The following KLRB1 variants were observed in gnomAD, a reference collection of about 807,000 sequenced individuals.
KLRB1 encodes killer cell lectin like receptor B1.
Under a neutral mutation model 33.5 loss-of-function variants are expected in KLRB1, and 27 were observed. The observed-to-expected ratio is 0.81, with a 90% CI of 0.59 to 1.11. KLRB1 has a LOEUF of 1.11. Among genes scored for constraint, KLRB1 ranks in the 50% most tolerant of loss-of-function variants. The pLI is 0.00. For synonymous variants in KLRB1, 64 were observed against 88.9 expected (o/e 0.72, Z 1.58); for missense variants, 241 against 254.1 (o/e 0.95, Z 0.35).
chr12:9,601,052 TGGAGGTAGGACCTGCGG>T (rs886458278), intron 2 of KLRB1, among the ~76,000 whole-genome samples: 7 of 107,160 alleles, frequency 6.5e-5, no homozygotes, highest in African/African-American at 1.3e-4. Context: ...GCCTTAGGGC[TGGAGGTAGGACCTGCGG>T]GCAGCAATAC....
chr12:9,607,405 T>TTTCTTTCTTTCTTTCTTTCC (rs1565444748), intron 1 of KLRB1, among the ~76,000 whole-genome samples: 2 of 47,988 alleles, frequency 4.2e-5, no homozygotes, highest in Admixed American at 2.8e-4. Context: ...TCTTTCTTTC[T>TTTCTTTCTTTCTTTCTTTCC]TTTCTTTCTT....
In KLRB1 at chr12:9,607,323, TTC is replaced by T. The variant is rs771570792; in HGVS notation, c.85+430_85+431del. On this transcript the variant is annotated intron_variant, in intron 1 of 5. Coordinates refer to ENST00000229402, the MANE Select transcript of KLRB1 (RefSeq NM_002258.3). ...CTCCTTTCTTTCTTTCTTCTTTTCT[TTC>T]TCTTTCTTTCCTTTCTTTCTTTCTT... 5.4e-5 allele frequency among the ~76,000 whole-genome samples: 6 copies of T among 111,682 alleles called. 1 individual carries two copies. The highest frequency in any genetic ancestry group is 1.5e-4 in the African/African-American group (5 of 33,300). The allele number at this position is 111,682 out of a possible 152,430, so 73.3% of individuals were successfully genotyped here.
chr12:9,602,782 T>A (rs1173831225), intron 1 of KLRB1, among the ~76,000 whole-genome samples: 1 of 152,226 alleles, frequency 6.6e-6, no homozygotes, highest in East Asian at 1.9e-4. Flanking sequence ...ATGAGTTACA[T>A]GTTAAAAAAT....
chr12:9,602,038 G>C (rs1002914928), intron 1 of KLRB1, among the ~76,000 whole-genome samples: 1 of 152,182 alleles, frequency 6.6e-6, no homozygotes, highest in Non-Finnish European at 1.5e-5. Flanking sequence ...CAAGTACCAT[G>C]TTAGGTGCTG....
At chr12:9,597,569 G>T (rs1864503546) in intron 5 of KLRB1, among the ~76,000 whole-genome samples, 1 of 152,108 alleles carries the variant, frequency 6.6e-6, no homozygotes, top group African/African-American at 2.4e-5. Context: ...TTTCACACCA[G>T]TGGTTCAAAT....
At chr12:9,602,809 T>C (rs1489292386) in intron 1 of KLRB1, among the ~76,000 whole-genome samples, 1 of 152,178 alleles carries the variant, frequency 6.6e-6, no homozygotes, top group Non-Finnish European at 1.5e-5. Context: ...TCAGATATAC[T>C]ATAATATTAT....
In KLRB1 at chr12:9,607,339, T is replaced by TTC. The variant is rs1330109407; in HGVS notation, c.85+415_85+416insGA. Among the ~76,000 whole-genome samples, 548 of 61,112 alleles carry TTC rather than the reference T, an allele frequency of 9.0e-3. 9 individuals carry two copies. The highest frequency in any genetic ancestry group is 0.02 in the South Asian group (28 of 1,386). 40.1% of individuals were successfully genotyped at this position (61,112 alleles called of 152,430 possible). A position where few individuals can be genotyped will look rare whatever the true frequency, so the allele number is the denominator to read the frequency against. The stretch of plus-strand genomic sequence containing the variant: ...TTCTTTTCTTTCTCTTTCTTTCCTT[T>TTC]CTTTCTTTCTTTCTTCCTTTCTTTC... On this transcript the variant is annotated intron_variant, in intron 1 of 5. Coordinates refer to ENST00000229402, the MANE Select transcript of KLRB1 (RefSeq NM_002258.3).
At chr12:9,601,920 A>C (rs1480352635) in intron 1 of KLRB1, among the ~76,000 whole-genome samples, 2 of 152,246 alleles carry the variant, frequency 1.3e-5, no homozygotes, top group Non-Finnish European at 2.9e-5. Flanking sequence ...AGTGCTATAC[A>C]AAAATTAAGT....
intron 3 of KLRB1, 24 bp from the exon 4 acceptor site, chr12:9,598,677 A>G: frequency 6.3e-7 from 1 of 1,576,748 alleles, no homozygotes; most frequent in South Asian, 1.1e-5. Context: ...CAGAAATAAG[A>G]AATAAATGTT....
At chr12:9,598,796 A>G in intron 3 of KLRB1, 143 bp from the exon 4 acceptor site, 1 of 558,058 alleles carries the variant, frequency 1.8e-6, no homozygotes, top group Non-Finnish European at 3.0e-6. Context: ...TTTGTTATAA[A>G]GTTGAGATTT....
chr12:9,599,633 A>G, intron 3 of KLRB1, 134 bp downstream of exon 3: 1 of 701,218 alleles, frequency 1.4e-6, no homozygotes, highest in Non-Finnish European at 2.6e-6. Context: ...TTTATGTCTC[A>G]ATTTTCTAAT....
At chr12:9,607,513 G>C (rs982261117) in intron 1 of KLRB1, among the ~76,000 whole-genome samples, 2 of 151,258 alleles carry the variant, frequency 1.3e-5, no homozygotes, top group Non-Finnish European at 2.9e-5. Context: ...TTTAACCAAG[G>C]CTCAGTAAGA....
chr12:9,599,910 T>C (rs990541830), intron 2 of KLRB1, 69 bp from the exon 3 acceptor site: 17 of 889,464 alleles, frequency 1.9e-5, no homozygotes, highest in Non-Finnish European at 2.8e-5. Context: ...ATTATATTTG[T>C]TACTTTAGGA....
chr12:9,606,625 A>G (rs1428332147), intron 1 of KLRB1, among the ~76,000 whole-genome samples: 1 of 145,764 alleles, frequency 6.9e-6, no homozygotes, highest in African/African-American at 2.5e-5. Flanking sequence ...AGAGTGAAGT[A>G]TGTTACTCAT....
intron 1 of KLRB1, among the ~76,000 whole-genome samples, chr12:9,607,351 T>C (rs375253236): frequency 0.057 from 4,639 of 81,278 alleles, 373 homozygotes; most frequent in Middle Eastern, 0.096. Context: ...TTTCTTTCTT[T>C]CTTCCTTTCT....
rs1313824048 is a variant in KLRB1, at chr12:9,607,773, G to A, written c.67C>T (p.Pro23Ser). Residue 23 changes from proline to serine, a missense_variant, in exon 1 of 6, where the codon CCT becomes TCT. Physicochemically the swap from Pro to Ser is moderately conservative, Grantham distance 74. Coordinates refer to ENST00000229402, the MANE Select transcript of KLRB1 (RefSeq NM_002258.3). ...CACTTACCCCGAGGAAGAGATGAAG[G>A]TGAAGAACTTTCTGGGCCTGAGTCT... ...PTDSGPESSS[P>S]SSLPRDVCQG... The A allele has an allele frequency of 6.2e-7, 1 of 1,611,642 alleles. No homozygotes were observed. The highest frequency in any genetic ancestry group is 1.7e-5 in the Admixed American group (1 of 59,976).
intron 1 of KLRB1, among the ~76,000 whole-genome samples, chr12:9,602,412 G>GA (rs199752546): frequency 6.6e-5 from 10 of 151,410 alleles, no homozygotes; most frequent in East Asian, 5.8e-4. Context: ...TGAATTAATA[G>GA]AAAAAAAATA....
chr12:9,602,639 A>T (rs1864558053), intron 1 of KLRB1, among the ~76,000 whole-genome samples: 1 of 151,908 alleles, frequency 6.6e-6, no homozygotes, highest in African/African-American at 2.4e-5. Context: ...AAATTACTTT[A>T]TAAATTCTAT....
At chr12:9,605,265 CT>C (rs1864586848) in intron 1 of KLRB1, among the ~76,000 whole-genome samples, 1 of 152,132 alleles carries the variant, frequency 6.6e-6, no homozygotes, top group Admixed American at 6.5e-5. Flanking sequence ...GGTTCCAAGT[CT>C]TTGCTATTGT....
Sources: gnomAD v4.1 joint callset for allele counts (sites outside exome capture counted in the v4.1 genomes callset) on GRCh38, gnomAD v4.1.1 for gene constraint, MANE v1.5 for transcripts, NCBI Gene and HGNC (gene_info 2026-07-23, HGNC 2026-07-21) for gene names.